The following MFHAS1 variants were observed in gnomAD, a reference collection of about 807,000 sequenced individuals.
MFHAS1 encodes multifunctional ROCO family signaling regulator 1, also known as malignant fibrous histiocytoma-amplified sequence 1.
MFHAS1 carries 50 observed loss-of-function variants against 70.4 expected under a neutral mutation model. That is an observed-to-expected ratio of 0.71 (90% confidence interval 0.57 to 0.90). The LOEUF is 0.90. Ranked by LOEUF, MFHAS1 falls within the 40% of genes least tolerant of loss-of-function variation. The pLI, the probability that MFHAS1 is intolerant of heterozygous loss-of-function variation, is 0.00. For synonymous variants in MFHAS1, 952 were observed against 620.0 expected, an observed-to-expected ratio of 1.54 and a Z score of -7.96; for missense variants, 1,795 against 1,347.6, an observed-to-expected ratio of 1.33 and a Z score of -5.20.
At chr8:8,832,266 A>C (rs1469075611) in intron 1 of MFHAS1, among the ~76,000 whole-genome samples, 1 of 152,210 alleles carries the variant, frequency 6.6e-6, no homozygotes. Flanking sequence ...AGACACTTGA[A>C]GAAAATGAAA....
At chr8:8,846,550 C>T (rs1429671372) in intron 1 of MFHAS1, among the ~76,000 whole-genome samples, 1 of 152,082 alleles carries the variant, frequency 6.6e-6, no homozygotes, top group East Asian at 1.9e-4. Context: ...AAAATGTTCT[C>T]AGCTCAAAGT....
At chr8:8,827,801 G>T (rs915679196) in intron 1 of MFHAS1, among the ~76,000 whole-genome samples, 1 of 152,074 alleles carries the variant, frequency 6.6e-6, no homozygotes, top group Non-Finnish European at 1.5e-5. Context: ...GGGGAAAAAA[G>T]TCTTCTGTCT....
intron 2 of MFHAS1, among the ~76,000 whole-genome samples, chr8:8,792,031 A>G (rs2117247548): frequency 6.6e-6 from 1 of 151,194 alleles, no homozygotes; most frequent in Admixed American, 6.6e-5. Flanking sequence ...CACGGTCAGG[A>G]GATCGAGACC....
intron 1 of MFHAS1, among the ~76,000 whole-genome samples, chr8:8,849,687 C>G (rs1877119): frequency 0.38 from 57,971 of 151,968 alleles, 12,581 homozygotes; most frequent in East Asian, 0.72. Context: ...TCATTGTGGT[C>G]AAGGGAAACT....
chr8:8,806,280 G>A (rs1806286977), intron 1 of MFHAS1, among the ~76,000 whole-genome samples: 1 of 152,180 alleles, frequency 6.6e-6, no homozygotes, highest in African/African-American at 2.4e-5. Flanking sequence ...ACACTGGGAT[G>A]AGAGGCCAGG....
intron 1 of MFHAS1, among the ~76,000 whole-genome samples, chr8:8,862,146 G>A (rs1409441887): frequency 6.6e-6 from 1 of 152,166 alleles, no homozygotes; most frequent in Admixed American, 6.6e-5. Context: ...CCACTCCCAA[G>A]AGCAGCGTAG....
Position 8,784,129 on chromosome 8 carries a change from C to T in MFHAS1, c.*1893G>A, listed in dbSNP as rs1272434330. 6.6e-6 allele frequency: 1 copy of T among 152,042 alleles called. No individual in the cohort carries two copies. The highest frequency in any genetic ancestry group is 1.5e-5 in the Non-Finnish European group (1 of 68,008). The allele number at this position is 152,042 out of a possible 1,614,324, so 9.4% of individuals were successfully genotyped here. A position where few individuals can be genotyped will look rare whatever the true frequency, so the allele number is the denominator to read the frequency against. ...TAATATGGTCCCCGGGGAGTTAGCCCAAAATCATACAAATAAGCCTTTTTC... is the reference window on the plus strand; with the variant it reads ...TAATATGGTCCCCGGGGAGTTAGCCTAAAATCATACAAATAAGCCTTTTTC... On this transcript the variant is annotated 3_prime_UTR_variant, in exon 3 of 3. Coordinates refer to ENST00000276282, the MANE Select transcript of MFHAS1 (RefSeq NM_004225.3).
At position 8,868,052 on chromosome 8, in the gene MFHAS1, G is replaced by A. The variant is rs572485531; in HGVS notation, c.2998+22009C>T. Among the ~76,000 whole-genome samples, 4 of 152,104 alleles carry A rather than the reference G, an allele frequency of 2.6e-5. No individual in the cohort carries two copies. In the South Asian group the frequency reaches 6.2e-4, roughly 24 times the overall value. ...ACTTCTGTGGCACTCTGTCCAGACT[G>A]ACTTTTATCATTTATTATAATAAGT... On this transcript the variant is annotated intron_variant, in intron 1 of 2. Coordinates refer to ENST00000276282, the MANE Select transcript of MFHAS1 (RefSeq NM_004225.3).
At chr8:8,878,526 T>C (rs1052626352) in intron 1 of MFHAS1, among the ~76,000 whole-genome samples, 7 of 152,158 alleles carry the variant, frequency 4.6e-5, no homozygotes, top group African/African-American at 1.7e-4. Flanking sequence ...TTAACACAAT[T>C]ACCTTTATGA....
intron 1 of MFHAS1, among the ~76,000 whole-genome samples, chr8:8,867,139 T>C (rs77791184): frequency 0.025 from 3,807 of 152,214 alleles, 160 homozygotes; most frequent in African/African-American, 0.087. Flanking sequence ...GGAAACAAGA[T>C]AATAAAGGAG....
chr8:8,885,518 C>T (rs1442715960), intron 1 of MFHAS1, among the ~76,000 whole-genome samples: 1 of 152,178 alleles, frequency 6.6e-6, no homozygotes, highest in Admixed American at 6.5e-5. Flanking sequence ...AGAGTACCAA[C>T]TCTTTGAGTT....
intron 2 of MFHAS1, among the ~76,000 whole-genome samples, chr8:8,796,688 C>A (rs375072590): frequency 0.011 from 279 of 24,648 alleles, 6 homozygotes; most frequent in Middle Eastern, 0.036. Context: ...CGTCTCAAAA[C>A]AAAAAAAAAA....
chr8:8,834,112 T>A (rs13270070), intron 1 of MFHAS1, among the ~76,000 whole-genome samples: 66,475 of 149,930 alleles, frequency 0.44, 15,235 homozygotes, highest in East Asian at 0.74. Context: ...GGCAACCGAG[T>A]GAGACTCTGT....
In MFHAS1 at chr8:8,785,470, T is replaced by C. The variant is rs1805507503; in HGVS notation, c.*552A>G. The C allele has an allele frequency of 6.6e-6, 1 of 152,664 alleles. No individual in the cohort carries two copies. 9.5% of individuals were successfully genotyped at this position (152,664 alleles called of 1,614,324 possible). On this transcript the variant is annotated 3_prime_UTR_variant, in exon 3 of 3. Transcript: ENST00000276282. ...CTAAAATAAGAAATCAGCCCCATCT[T>C]GGCACAGTTCTCATGCAGAATATTG... is the stretch of plus-strand genomic sequence containing the variant.
chr8:8,815,441 CA>C, intron 1 of MFHAS1, among the ~76,000 whole-genome samples: 1 of 152,282 alleles, frequency 6.6e-6, no homozygotes, highest in East Asian at 1.9e-4. Flanking sequence ...GGAATTGCCA[CA>C]CTGTCTTCCA....
chr8:8,813,424 A>G (rs989729387), intron 1 of MFHAS1, among the ~76,000 whole-genome samples: 11 of 152,190 alleles, frequency 7.2e-5, no homozygotes, highest in Non-Finnish European at 1.6e-4. Context: ...CATTTTTATT[A>G]CAGGGTATAA....
At chr8:8,859,768 T>C (rs1019522436) in intron 1 of MFHAS1, among the ~76,000 whole-genome samples, 1 of 152,230 alleles carries the variant, frequency 6.6e-6, no homozygotes, top group African/African-American at 2.4e-5. Flanking sequence ...GTTAATGCTA[T>C]CAGTAAGACT....
At chr8:8,873,443 C>G (rs942462673) in intron 1 of MFHAS1, among the ~76,000 whole-genome samples, 1 of 150,758 alleles carries the variant, frequency 6.6e-6, no homozygotes, top group African/African-American at 2.4e-5. Context: ...GTTTTAAACA[C>G]AGAAGCAACT....
rs764192422 is a variant in MFHAS1 at position 8,891,141 on chromosome 8, C to G, written c.1918G>C (p.Asp640His). ...TGCTCAGCAACTGACAGCAACTTGTCCCGAAGGCGTCGTAAGTGGCGCGGG... is the reference window on the plus strand; with the variant it reads ...TGCTCAGCAACTGACAGCAACTTGTGCCGAAGGCGTCGTAAGTGGCGCGGG... Reference protein sequence around the residue: ...RDPRHLRRLRDKLLSVAEHRE... With the variant: ...RDPRHLRRLRHKLLSVAEHRE... The change falls in exon 1 of 3, where the codon GAC becomes CAC. Residue 640 changes from aspartate to histidine, a missense_variant. Transcript: ENST00000276282. The surrounding 1 kb of genome is among the most constrained non-coding windows in gnomAD (Gnocchi z 5.4). 33 of 1,613,582 alleles carry G rather than the reference C, an allele frequency of 2.0e-5. No homozygotes were observed. In the Admixed American group the frequency reaches 5.3e-4, roughly 26 times the overall value.
Sources: gnomAD v4.1 joint callset for allele counts (sites outside exome capture counted in the v4.1 genomes callset) on GRCh38, gnomAD v4.1.1 for gene constraint, Gnocchi (gnomAD v3.1) non-coding constraint, MANE v1.5 for transcripts, NCBI Gene and HGNC (gene_info 2026-07-23, HGNC 2026-07-21) for gene names.